The following CLSTN1 variants were observed in gnomAD, a reference collection of about 807,000 sequenced individuals.
The protein encoded by CLSTN1 is calsyntenin 1, also known as calsyntenin-1.
Under a neutral mutation model 108.3 loss-of-function variants are expected in CLSTN1, and 28 were observed. That is an observed-to-expected ratio of 0.26 (90% CI 0.19 to 0.35). The LOEUF is 0.35. Among genes scored for constraint, CLSTN1 ranks in the 10% least tolerant of loss-of-function variants. The pLI, the probability that CLSTN1 is intolerant of heterozygous loss-of-function variation, is 1.00. For synonymous variants in CLSTN1, 524 were observed against 534.9 expected (o/e 0.98, Z 0.28); for missense variants, 1,157 against 1,302.6 (o/e 0.89, Z 1.72).
chr1:9,770,988 G>A (rs1020195980), intron 2 of CLSTN1, among the ~76,000 whole-genome samples: 2 of 151,956 alleles, frequency 1.3e-5, no homozygotes, highest in Non-Finnish European at 2.9e-5. Flanking sequence ...CTGAGACACC[G>A]TCTCAAAAAT....
intron 1 of CLSTN1, among the ~76,000 whole-genome samples, chr1:9,819,514 C>T (rs1429135194): frequency 1.3e-5 from 2 of 152,062 alleles, no homozygotes; most frequent in Admixed American, 6.6e-5. Flanking sequence ...ATATTATTTG[C>T]GTTTTTGGCT....
At chr1:9,742,780 C>T (rs568218369) in intron 9 of CLSTN1, among the ~76,000 whole-genome samples, 1 of 152,122 alleles carries the variant, frequency 6.6e-6, no homozygotes, top group Admixed American at 6.6e-5. Flanking sequence ...TGGTGGCGCA[C>T]GCCTGTAATC....
At chr1:9,735,238 A>G in intron 13 of CLSTN1, 64 bp from the exon 14 acceptor site, 1 of 1,558,566 alleles carries the variant, frequency 6.4e-7, no homozygotes, top group Non-Finnish European at 8.8e-7. Context: ...CACCTGTGCA[A>G]AGGCACATGG....
chr1:9,803,785 G>A (rs2101282804), intron 1 of CLSTN1, among the ~76,000 whole-genome samples: 1 of 151,946 alleles, frequency 6.6e-6, no homozygotes, highest in Non-Finnish European at 1.5e-5. Flanking sequence ...CTGGGCAACA[G>A]AGCAAGACTC....
chr1:9,798,170 G>A (rs1254302078), intron 1 of CLSTN1, among the ~76,000 whole-genome samples: 2 of 132,886 alleles, frequency 1.5e-5, no homozygotes, highest in Non-Finnish European at 3.2e-5. Flanking sequence ...GAGGGGAAGA[G>A]GGAGGGGGAG....
Position 9,731,799 on chromosome 1 carries a change from A to T in CLSTN1, c.2525T>A (p.Leu842Gln), listed in dbSNP as rs748431467. Residue 842 changes from leucine to glutamine, a missense_variant, in exon 17 of 19, where the codon CTG (leucine) becomes CAG (glutamine). Leu to Gln is a moderately radical substitution (Grantham distance 113). Transcript: ENST00000377298. ...GGGGTTGGCCAGGTTGTGGCCTGAC[A>T]GGTCAACAAAGGAGCGGTGTTCCGG... ...VHPEHRSFVD[L>Q]SGHNLANPHP... The T allele has an allele frequency of 6.2e-7, 1 of 1,614,216 alleles. No individual in the cohort carries two copies. The highest frequency in any genetic ancestry group is 8.5e-7 in the Non-Finnish European group (1 of 1,180,050).
intron 1 of CLSTN1, among the ~76,000 whole-genome samples, chr1:9,790,915 T>C (rs7530083): frequency 0.22 from 33,865 of 150,764 alleles, 7,367 homozygotes; most frequent in African/African-American, 0.56. Flanking sequence ...GAGTGGATCA[T>C]GAGGTCAGGA....
chr1:9,745,721 T>C (rs145175398), intron 7 of CLSTN1, among the ~76,000 whole-genome samples: 30 of 151,118 alleles, frequency 2.0e-4, no homozygotes, highest in African/African-American at 7.3e-4. Flanking sequence ...TATATATTCC[T>C]AGCAATATTC....
At chr1:9,822,047 AAC>A (rs1168747393) in intron 1 of CLSTN1, among the ~76,000 whole-genome samples, 2 of 152,246 alleles carry the variant, frequency 1.3e-5, no homozygotes, top group African/African-American at 4.8e-5. Flanking sequence ...CACCAATTTT[AAC>A]AAGAAATGGT....
At position 9,805,678 on chromosome 1, in the gene CLSTN1, C is replaced by A. The variant is rs139248448; in HGVS notation, c.91+17965G>T. On this transcript the variant is annotated intron_variant, in intron 1 of 18. Transcript: ENST00000377298. ...GGTCAGGAGTTCAAGATCGGCCTGG[C>A]CAACATGGTGAAACCCCATCTCTAC... Among the ~76,000 whole-genome samples the A allele has an allele frequency of 9.7e-3, 1,481 of 152,016 alleles. 5 individuals are homozygous for A. The highest frequency in any genetic ancestry group is 0.014 in the Non-Finnish European group (950 of 67,982).
rs367785424 is a variant in CLSTN1, at chr1:9,799,367, C to T, written c.91+24276G>A. ...GAGTTAAAAATTCCAGGGAGCCGGG[C>T]GCGGTGGCTCACGCCTATAATCTCA... On this transcript the variant is annotated intron_variant, in intron 1 of 18. Transcript: ENST00000377298. 7.9e-5 allele frequency among the ~76,000 whole-genome samples: 12 copies of T among 152,152 alleles called. No homozygotes were observed. The East Asian group carries it at 2.1e-3, about 27-fold the overall frequency.
At chr1:9,782,286 G>A (rs928726130) in intron 1 of CLSTN1, among the ~76,000 whole-genome samples, 8 of 152,042 alleles carry the variant, frequency 5.3e-5, no homozygotes, top group African/African-American at 1.7e-4. Flanking sequence ...TTTTCTTAAA[G>A]TTTTATACCC....
chr1:9,797,157 C>G (rs1415308007), intron 1 of CLSTN1, among the ~76,000 whole-genome samples: 1 of 152,160 alleles, frequency 6.6e-6, no homozygotes, highest in African/African-American at 2.4e-5. Flanking sequence ...CTGTTAAAAC[C>G]TTGGCCCCAT....
At chr1:9,817,001 G>C (rs1654999774) in intron 1 of CLSTN1, among the ~76,000 whole-genome samples, 1 of 152,158 alleles carries the variant, frequency 6.6e-6, no homozygotes, top group Admixed American at 6.5e-5. Context: ...ATCAAGGTAG[G>C]CTTGAAAAGT....
chr1:9,784,271 G>A (rs1653381427), intron 1 of CLSTN1, among the ~76,000 whole-genome samples: 2 of 152,030 alleles, frequency 1.3e-5, no homozygotes, highest in South Asian at 4.2e-4. Flanking sequence ...TGAACCTGGG[G>A]GGCAGACGTT....
chr1:9,755,667 C>T (rs1047896956), intron 3 of CLSTN1, among the ~76,000 whole-genome samples: 6 of 152,130 alleles, frequency 3.9e-5, no homozygotes, highest in Admixed American at 6.6e-5. Context: ...AGAACACCAG[C>T]GCTGCCCCAG....
chr1:9,746,875 A>G (rs1376624919), intron 7 of CLSTN1, among the ~76,000 whole-genome samples: 6 of 152,074 alleles, frequency 3.9e-5, no homozygotes, highest in Non-Finnish European at 8.8e-5. Flanking sequence ...AAGCTAAAAC[A>G]CACATAGAAG....
At chr1:9,745,992 T>G (rs1228099938) in intron 7 of CLSTN1, among the ~76,000 whole-genome samples, 1 of 151,998 alleles carries the variant, frequency 6.6e-6, no homozygotes, top group East Asian at 1.9e-4. Flanking sequence ...AGTCTCCAAC[T>G]ACTGGGCTCA....
chr1:9,750,718 A>C (rs1255081764), intron 5 of CLSTN1, among the ~76,000 whole-genome samples: 4 of 148,998 alleles, frequency 2.7e-5, no homozygotes, highest in East Asian at 1.9e-4. Flanking sequence ...CCTCAAACAA[A>C]AAAAAAAAAA....
Sources: allele counts gnomAD v4.1 joint callset (sites outside exome capture counted in the v4.1 genomes callset), GRCh38; gene constraint gnomAD v4.1.1; transcripts MANE v1.5; gene names NCBI Gene and HGNC (gene_info 2026-07-23, HGNC 2026-07-21).